LRGUK: variants seen among roughly 807,000 people sequenced by gnomAD.
LRGUK encodes the protein leucine rich repeats and guanylate kinase domain containing.
LRGUK carries 65 observed loss-of-function variants against 76.0 expected under a neutral mutation model. The observed-to-expected ratio is 0.85, with a 90% CI of 0.70 to 1.05. The LOEUF is 1.05. Among genes scored for constraint, LRGUK ranks in the 50% least tolerant of loss-of-function variants. The pLI is 0.00. For missense variants in LRGUK, 758 were observed against 732.8 expected (o/e 1.03, Z -0.40); for synonymous variants, 268 against 265.6 (o/e 1.01, Z -0.09).
At chr7:134,187,209 C>G (rs1231478804) in intron 11 of LRGUK, among the ~76,000 whole-genome samples, 2 of 151,560 alleles carry the variant, frequency 1.3e-5, no homozygotes, top group African/African-American at 4.8e-5. Flanking sequence ...CACATTCGCA[C>G]ATTCTCAAGG....
At chr7:134,164,478 A>G (rs1423019173) in intron 7 of LRGUK, among the ~76,000 whole-genome samples, 2 of 152,204 alleles carry the variant, frequency 1.3e-5, no homozygotes, top group African/African-American at 2.4e-5. Context: ...TTAATAAAGC[A>G]TTTGTGTTCC....
chr7:134,205,673 G>A (rs1463948101), intron 15 of LRGUK, among the ~76,000 whole-genome samples: 1 of 152,166 alleles, frequency 6.6e-6, no homozygotes, highest in Non-Finnish European at 1.5e-5. Flanking sequence ...AAACTGGACT[G>A]GAAATATGAA....
At chr7:134,218,163 A>T (rs1485780782) in intron 15 of LRGUK, among the ~76,000 whole-genome samples, 2 of 152,114 alleles carry the variant, frequency 1.3e-5, no homozygotes, top group Non-Finnish European at 2.9e-5. Context: ...GGTTTTGCCA[A>T]TGTTGGCCAG....
chr7:134,201,921 C>T (rs976861326), intron 15 of LRGUK, among the ~76,000 whole-genome samples: 4 of 152,110 alleles, frequency 2.6e-5, no homozygotes, highest in African/African-American at 9.7e-5. Flanking sequence ...TTCTACTTGT[C>T]GAGTTTGTAT....
intron 7 of LRGUK, among the ~76,000 whole-genome samples, chr7:134,173,552 A>T (rs1404903708): frequency 6.6e-6 from 1 of 152,170 alleles, no homozygotes; most frequent in Non-Finnish European, 1.5e-5. Flanking sequence ...TTAGTAGAGA[A>T]TTCAGGCCTG....
At chr7:134,147,428 C>A (rs1430471472) in intron 4 of LRGUK, among the ~76,000 whole-genome samples, 2 of 140,892 alleles carry the variant, frequency 1.4e-5, no homozygotes, top group African/African-American at 5.0e-5. Context: ...GAGCGAGACT[C>A]CACCTCAAAA....
chr7:134,157,768 C>T (rs1798545620), intron 5 of LRGUK, among the ~76,000 whole-genome samples: 1 of 152,186 alleles, frequency 6.6e-6, no homozygotes, highest in African/African-American at 2.4e-5. Context: ...CATGATGTGC[C>T]CACCTCGGCC....
chr7:134,237,856 C>T (rs2117186690), intron 16 of LRGUK, among the ~76,000 whole-genome samples: 1 of 152,138 alleles, frequency 6.6e-6, no homozygotes, highest in African/African-American at 2.4e-5. Context: ...AAGTTTTTTT[C>T]TATTATGTAT....
At chr7:134,129,277 C>T (rs1440188704) in intron 1 of LRGUK, among the ~76,000 whole-genome samples, 12 of 136,240 alleles carry the variant, frequency 8.8e-5, no homozygotes, top group Non-Finnish European at 1.8e-4. Context: ...TCCCTTCCTC[C>T]CTCCCTCCAC....
In LRGUK at chr7:134,263,902, C is replaced by A. The variant is rs373321439; in HGVS notation, c.2405C>A (p.Ser802Ter). The A allele has an allele frequency of 6.2e-6, 10 of 1,612,380 alleles. No individual in the cohort carries two copies. The highest frequency in any genetic ancestry group is 8.5e-6 in the Non-Finnish European group (10 of 1,179,214). ...GAGTCTCACCAACACAGACAACACT[C>A]GGTCCCAGTCATCAGTCGCCCAGGT... The change falls in exon 20 of 20, where the codon TCG becomes TAG. Residue 802 changes from serine to a stop codon, truncating the protein, a stop_gained. Coordinates refer to the LRGUK transcript ENST00000285928. LOFTEE classifies it high-confidence loss of function.
chr7:134,189,621 C>T (rs1315434863), intron 11 of LRGUK, among the ~76,000 whole-genome samples: 4 of 152,118 alleles, frequency 2.6e-5, no homozygotes. Context: ...AAATTCTTGC[C>T]ACTCAATTCC....
intron 11 of LRGUK, among the ~76,000 whole-genome samples, chr7:134,185,748 C>A (rs1306134360): frequency 6.6e-6 from 1 of 152,126 alleles, no homozygotes; most frequent in Non-Finnish European, 1.5e-5. Flanking sequence ...TACAAAAAAA[C>A]TTCCTTCCCT....
At chr7:134,178,423 C>T (rs967636549) in intron 9 of LRGUK, 80 bp from the exon 10 acceptor site, 9 of 1,037,452 alleles carry the variant, frequency 8.7e-6, no homozygotes, top group African/African-American at 3.2e-5. Flanking sequence ...AACAACATTT[C>T]ATTAAGGAAA....
intron 5 of LRGUK, among the ~76,000 whole-genome samples, chr7:134,150,618 A>T (rs1047918278): frequency 6.6e-6 from 1 of 152,188 alleles, no homozygotes; most frequent in Non-Finnish European, 1.5e-5. Context: ...GGAGTTTGTT[A>T]TGGAGATCTC....
At chr7:134,270,048 C>A in the LRGUK span, among the ~76,000 whole-genome samples, 1 of 152,162 alleles carries the variant, frequency 6.6e-6, no homozygotes, top group South Asian at 2.1e-4. Flanking sequence ...AAGATGACTA[C>A]TCTCATCACT....
chr7:134,202,318 T>TA (rs11354724), intron 15 of LRGUK, among the ~76,000 whole-genome samples: 43,885 of 148,690 alleles, frequency 0.3, 7,434 homozygotes, highest in Admixed American at 0.43. Context: ...AAAACAAAAT[T>TA]AAAAAAAAAA....
chr7:134,148,061 C>A (rs201305262), intron 4 of LRGUK, among the ~76,000 whole-genome samples, 177 bp from the exon 5 acceptor site: 77 of 123,144 alleles, frequency 6.3e-4, no homozygotes, highest in East Asian at 1.2e-3. Flanking sequence ...GACTCCTTTT[C>A]AAAAAAAAAA....
At chr7:134,250,362 T>G (rs970710074) in intron 18 of LRGUK, among the ~76,000 whole-genome samples, 19 of 152,216 alleles carry the variant, frequency 1.2e-4, no homozygotes, top group African/African-American at 4.3e-4. Flanking sequence ...ATTATGTTAT[T>G]ATCTTCTAGT....
chr7:134,204,197 T>A (rs1800908622), intron 15 of LRGUK, among the ~76,000 whole-genome samples: 1 of 152,112 alleles, frequency 6.6e-6, no homozygotes, highest in East Asian at 1.9e-4. Context: ...CCAGTGAGAG[T>A]CCGTCTCTGT....
Sources: allele counts gnomAD v4.1 joint callset (sites outside exome capture counted in the v4.1 genomes callset), GRCh38; gene constraint gnomAD v4.1.1; transcripts MANE v1.5; gene names NCBI Gene and HGNC (gene_info 2026-07-23, HGNC 2026-07-21).